Variants in ITGB6 observed in about 807,000 individuals in gnomAD.
ITGB6 encodes integrin subunit beta 6.
In ITGB6, 80 loss-of-function variants were observed where a neutral mutation model predicts 84.5. The observed-to-expected ratio is 0.95, with a 90% CI of 0.79 to 1.14. The LOEUF (loss-of-function observed/expected upper bound fraction) is 1.14. Among genes scored for constraint, ITGB6 ranks in the 50% most tolerant of loss-of-function variants. The pLI, the probability that ITGB6 is intolerant of heterozygous loss-of-function variation, is 0.00. For synonymous variants in ITGB6, 383 were observed against 354.9 expected (o/e 1.08, Z -0.89); for missense variants, 1,006 against 968.0 (o/e 1.04, Z -0.52).
intron 12 of ITGB6, among the ~76,000 whole-genome samples, chr2:160,118,769 T>C (rs1451304467): frequency 6.6e-6 from 1 of 150,996 alleles, no homozygotes; most frequent in Non-Finnish European, 1.5e-5. Flanking sequence ...GAAAACCCCA[T>C]CATCTCAGCC....
At chr2:160,182,885 C>T (rs572275240) in intron 4 of ITGB6, among the ~76,000 whole-genome samples, 69 of 152,270 alleles carry the variant, frequency 4.5e-4, no homozygotes, top group African/African-American at 1.6e-3. Flanking sequence ...TCATATCTCG[C>T]CAAACTGAGC....
intron 4 of ITGB6, among the ~76,000 whole-genome samples, chr2:160,188,245 T>G (rs1357373489): frequency 1.3e-5 from 2 of 152,170 alleles, no homozygotes; most frequent in Non-Finnish European, 2.9e-5. Context: ...ACTTTTTATC[T>G]TGACATGTAT....
intron 4 of ITGB6, among the ~76,000 whole-genome samples, chr2:160,185,384 A>C (rs990505598): frequency 3.9e-5 from 6 of 152,222 alleles, no homozygotes; most frequent in Admixed American, 6.5e-5. Context: ...CAATTGCTAC[A>C]AAGAGAATAC....
At chr2:160,119,509 A>G (rs1158288643) in intron 12 of ITGB6, among the ~76,000 whole-genome samples, 1 of 152,048 alleles carries the variant, frequency 6.6e-6, no homozygotes, top group Admixed American at 6.6e-5. Flanking sequence ...TTATACAAAA[A>G]TTAATTCAAG....
At chr2:160,189,160 C>A (rs1419092817) in intron 4 of ITGB6, among the ~76,000 whole-genome samples, 1 of 152,156 alleles carries the variant, frequency 6.6e-6, no homozygotes, top group East Asian at 1.9e-4. Flanking sequence ...ATGTAAAAAG[C>A]TGAAACTGGA....
At chr2:160,174,542 A>C (rs879087662) in intron 4 of ITGB6, among the ~76,000 whole-genome samples, 1 of 151,298 alleles carries the variant, frequency 6.6e-6, no homozygotes, top group Non-Finnish European at 1.5e-5. Flanking sequence ...ACCCTGTAGC[A>C]AGACAAGAGA....
chr2:160,181,744 A>G (rs1031015055), intron 4 of ITGB6, among the ~76,000 whole-genome samples: 2 of 152,158 alleles, frequency 1.3e-5, no homozygotes, highest in East Asian at 3.9e-4. Context: ...GAGAGCTCCA[A>G]TTGACATCTG....
At chr2:160,185,512 A>G (rs943060689) in intron 4 of ITGB6, among the ~76,000 whole-genome samples, 8 of 152,256 alleles carry the variant, frequency 5.3e-5, no homozygotes, top group African/African-American at 1.9e-4. Flanking sequence ...GCTCATGGAT[A>G]GGAAGAATCA....
chr2:160,103,746 T>A (rs1203085440), intron 14 of ITGB6, among the ~76,000 whole-genome samples: 1 of 152,140 alleles, frequency 6.6e-6, no homozygotes, highest in Non-Finnish European at 1.5e-5. Context: ...AGGCCAGCAA[T>A]GACAGGGTAA....
At chr2:160,149,775 G>A (rs907930049) in intron 7 of ITGB6, among the ~76,000 whole-genome samples, 4 of 152,124 alleles carry the variant, frequency 2.6e-5, no homozygotes, top group African/African-American at 9.7e-5. Context: ...ACCTGATGGA[G>A]CTGAAAACCA....
intron 12 of ITGB6, among the ~76,000 whole-genome samples, chr2:160,121,827 G>A (rs1683053925): frequency 7.2e-6 from 1 of 139,602 alleles, no homozygotes. Context: ...TTAATAACAT[G>A]TTTTTGATAT....
intron 7 of ITGB6, among the ~76,000 whole-genome samples, chr2:160,153,287 A>G (rs1165912930): frequency 6.6e-6 from 1 of 152,198 alleles, no homozygotes; most frequent in East Asian, 1.9e-4. Flanking sequence ...AACACCACAC[A>G]TCTACAACCA....
chr2:160,107,679 C>G lies in ITGB6; in HGVS notation c.2268G>C (p.Thr756=). ...EAERSKAKWQ[T]GTNPLYRGST... ...GGAGTAGCCCTAAGTTTCCACATAC[C>G]GTTTGCCACTTGGCTTTTGATCGTT... The change falls in exon 14 of 15, where the codon ACG becomes ACC. Residue 756 remains threonine, a splice_region_variant and synonymous_variant. Coordinates refer to ENST00000283249, the MANE Select transcript of ITGB6 (RefSeq NM_000888.5). 2 of 1,613,756 alleles carry G rather than the reference C, an allele frequency of 1.2e-6. No individual in the cohort carries two copies. The highest frequency in any genetic ancestry group is 1.1e-5 in the South Asian group (1 of 91,044).
chr2:160,149,639 C>T (rs1295722928), intron 7 of ITGB6, among the ~76,000 whole-genome samples: 2 of 152,090 alleles, frequency 1.3e-5, no homozygotes, highest in East Asian at 1.9e-4. Context: ...TTCAGAAGGT[C>T]GGTAATAGCA....
chr2:160,199,240 C>A lies in ITGB6; in HGVS notation c.80G>T (p.Gly27Val). The A allele has an allele frequency of 6.2e-7, 1 of 1,614,024 alleles. No individual in the cohort carries two copies. Among genetic ancestry groups the A allele is most frequent in the Non-Finnish European group, 8.5e-7 (1 of 1,179,916 alleles). ...CAGGCAGTCTTCACAGGTTTCTGCA[C>A]CTCCCAGGGCACAGCCACCTAGGTT... Reference protein sequence around the residue: ...DHVQGGCALGGAETCEDCLLI... With the variant: ...DHVQGGCALGVAETCEDCLLI... The change falls in exon 2 of 15, where the codon GGT becomes GTT. Residue 27 changes from glycine (G) to valine (V), a missense_variant. Gly to Val is a moderately radical substitution (Grantham distance 109, BLOSUM62 -3). Coordinates refer to ENST00000283249, the MANE Select transcript of ITGB6 (RefSeq NM_000888.5).
intron 6 of ITGB6, among the ~76,000 whole-genome samples, chr2:160,170,197 GA>G (rs1685150387): frequency 6.6e-6 from 1 of 152,284 alleles, no homozygotes; most frequent in Non-Finnish European, 1.5e-5. Flanking sequence ...GAGGAACACT[GA>G]TAAATAAGCC....
chr2:160,137,330 T>C (rs1683779749), intron 10 of ITGB6, 104 bp downstream of exon 10: 6 of 1,054,892 alleles, frequency 5.7e-6, no homozygotes, highest in South Asian at 1.5e-5. Flanking sequence ...CAAATATTTA[T>C]TGAGCACCTA....
intron 2 of ITGB6, among the ~76,000 whole-genome samples, chr2:160,197,260 C>G (rs773159280): frequency 1.3e-5 from 2 of 151,996 alleles, no homozygotes; most frequent in African/African-American, 2.4e-5. Flanking sequence ...CATGCCACTG[C>G]ACTCTAGCCT....
chr2:160,132,609 T>C (rs900373042), intron 10 of ITGB6, among the ~76,000 whole-genome samples: 2 of 152,164 alleles, frequency 1.3e-5, no homozygotes, highest in African/African-American at 4.8e-5. Flanking sequence ...AACAGAGATA[T>C]TGAAGCTTAA....
Sources: gnomAD v4.1 joint callset for allele counts (sites outside exome capture counted in the v4.1 genomes callset) on GRCh38, gnomAD v4.1.1 for gene constraint, MANE v1.5 for transcripts, NCBI Gene and HGNC (gene_info 2026-07-23, HGNC 2026-07-21) for gene names.